The following RNASEH2B variants were observed in gnomAD, a reference collection of about 807,000 sequenced individuals.
The protein encoded by RNASEH2B is Aicardi-Goutieres syndrome 2 protein.
A neutral mutation model predicts 45.0 loss-of-function variants in RNASEH2B; 36 were observed. The observed-to-expected ratio is 0.80, with a 90% CI of 0.61 to 1.06. The LOEUF is 1.06. RNASEH2B is among the 50% of genes least tolerant of loss of function. RNASEH2B has a pLI of 0.00. For missense variants in RNASEH2B, 361 were observed against 360.3 expected (o/e 1.00, Z -0.02); for synonymous variants, 119 against 125.7 (o/e 0.95, Z 0.35).
chr13:50,965,910 T>C (rs1036438438), intron 9 of RNASEH2B, among the ~76,000 whole-genome samples: 2 of 152,216 alleles, frequency 1.3e-5, no homozygotes, highest in African/African-American at 4.8e-5. Flanking sequence ...AAACTCTTTG[T>C]ATTCACAGAG....
At chr13:50,918,242 A>G (rs1293614485) in intron 1 of RNASEH2B, among the ~76,000 whole-genome samples, 4 of 152,048 alleles carry the variant, frequency 2.6e-5, no homozygotes, top group Admixed American at 1.3e-4. Flanking sequence ...GGTTCACGCC[A>G]TTCTCCTGCC....
intron 1 of RNASEH2B, chr13:50,921,382 T>C (rs1951522768): frequency 6.6e-6 from 1 of 152,232 alleles, no homozygotes; most frequent in Admixed American, 6.5e-5. Flanking sequence ...TCTTTTCTAA[T>C]TCTTTCCCAT....
At chr13:50,910,186 G>T in intron 1 of RNASEH2B, 46 bp downstream of exon 1, 1 of 1,350,806 alleles carries the variant, frequency 7.4e-7, no homozygotes, top group South Asian at 1.7e-5. Flanking sequence ...AGAACTGGCG[G>T]AGCGGCCCGC....
intron 9 of RNASEH2B, among the ~76,000 whole-genome samples, chr13:50,965,616 G>C (rs184642785): frequency 2.6e-5 from 4 of 152,348 alleles, no homozygotes; most frequent in Non-Finnish European, 4.4e-5. Flanking sequence ...TTCAAGAGTC[G>C]TTCTGAGAAT....
intron 9 of RNASEH2B, among the ~76,000 whole-genome samples, chr13:50,962,510 T>G (rs1286150738): frequency 6.6e-6 from 1 of 152,204 alleles, no homozygotes; most frequent in African/African-American, 2.4e-5. Flanking sequence ...TCATCACATT[T>G]TTATTATCCT....
chr13:50,923,291 A>T (rs1284000066), intron 1 of RNASEH2B, among the ~76,000 whole-genome samples: 1 of 152,230 alleles, frequency 6.6e-6, no homozygotes, highest in East Asian at 1.9e-4. Context: ...TACTTCCCAA[A>T]TTTGATTTAA....
chr13:50,943,116 T>G, intron 5 of RNASEH2B: 1 of 496,818 alleles, frequency 2.0e-6, no homozygotes, highest in Non-Finnish European at 3.6e-6. Context: ...TTCTTACTCA[T>G]TTAGTGGTTG....
intron 6 of RNASEH2B, among the ~76,000 whole-genome samples, chr13:50,944,139 T>C (rs1951868137): frequency 6.6e-6 from 1 of 152,022 alleles, no homozygotes; most frequent in Non-Finnish European, 1.5e-5. Context: ...AATGTATTTA[T>C]ATGTGTTTAA....
intron 9 of RNASEH2B, chr13:50,950,578 CAGT>C (rs1951964123): frequency 6.6e-6 from 1 of 152,186 alleles, no homozygotes; most frequent in African/African-American, 2.4e-5. Flanking sequence ...TAATCTCTGA[CAGT>C]AGCTCTAGAG....
At chr13:50,911,215 A>T (rs1284347850) in intron 1 of RNASEH2B, 1 of 152,180 alleles carries the variant, frequency 6.6e-6, no homozygotes, top group Non-Finnish European at 1.5e-5. Flanking sequence ...CTCTGTCACC[A>T]GAGATTAGTT....
chr13:50,946,559 A>G (rs971550323), intron 7 of RNASEH2B, among the ~76,000 whole-genome samples: 8 of 152,166 alleles, frequency 5.3e-5, no homozygotes, highest in African/African-American at 1.9e-4. Flanking sequence ...AGGTGGGTGG[A>G]TAGATGCATC....
At chr13:50,969,035 AT>A (rs1952192684) in intron 9 of RNASEH2B, among the ~76,000 whole-genome samples, 1 of 152,244 alleles carries the variant, frequency 6.6e-6, no homozygotes, top group African/African-American at 2.4e-5. Flanking sequence ...ACTTAGATTT[AT>A]TTGTTCCTTT....
intron 1 of RNASEH2B, among the ~76,000 whole-genome samples, chr13:50,920,158 C>T (rs1017199765): frequency 6.6e-6 from 1 of 152,136 alleles, no homozygotes; most frequent in African/African-American, 2.4e-5. Flanking sequence ...GATTCTCATG[C>T]CTCAGCCTCC....
At chr13:50,930,490 G>T (rs1566080565) in intron 3 of RNASEH2B, among the ~76,000 whole-genome samples, 193 bp from the exon 4 acceptor site, 3 of 152,138 alleles carry the variant, frequency 2.0e-5, no homozygotes, top group Admixed American at 2.0e-4. Context: ...AAGCTCTTTG[G>T]AGTAAAATCT....
chr13:50,916,213 A>AT (rs369357025), intron 1 of RNASEH2B, among the ~76,000 whole-genome samples: 7 of 150,852 alleles, frequency 4.6e-5, no homozygotes, highest in Admixed American at 2.6e-4. Context: ...ATCTTCTTAA[A>AT]TTTTTTTTTC....
At chr13:50,949,342 T>C (rs905585734) in intron 8 of RNASEH2B, 121 bp from the exon 9 acceptor site, 1 of 797,398 alleles carries the variant, frequency 1.3e-6, no homozygotes, top group Non-Finnish European at 2.2e-6. Context: ...AACAGGAAGA[T>C]ATATGGAGGT....
intron 7 of RNASEH2B, among the ~76,000 whole-genome samples, 189 bp downstream of exon 7, chr13:50,945,721 G>T (rs926114847): frequency 2.0e-5 from 3 of 152,168 alleles, no homozygotes; most frequent in African/African-American, 7.2e-5. Flanking sequence ...GGTTACTTCT[G>T]TCATTCATTG....
intron 9 of RNASEH2B, chr13:50,953,348 T>G (rs1951999967): frequency 6.5e-6 from 1 of 154,340 alleles, no homozygotes; most frequent in Non-Finnish European, 1.4e-5. Context: ...TTGGCCAAAG[T>G]CCTCTACTTG....
intron 9 of RNASEH2B, among the ~76,000 whole-genome samples, chr13:50,966,334 G>A (rs1030692541): frequency 6.6e-6 from 1 of 152,094 alleles, no homozygotes; most frequent in Admixed American, 6.5e-5. Flanking sequence ...TTAGACTCTT[G>A]TACTAAACAT....
Sources: allele counts gnomAD v4.1 joint callset (sites outside exome capture counted in the v4.1 genomes callset), GRCh38; gene constraint gnomAD v4.1.1; transcripts MANE v1.5; gene names NCBI Gene and HGNC (gene_info 2026-07-23, HGNC 2026-07-21).